The following USP34 variants were observed in gnomAD, a reference collection of about 807,000 sequenced individuals.
The protein encoded by USP34 is ubiquitin carboxyl-terminal hydrolase 34.
USP34 carries 70 observed loss-of-function variants against 460.3 expected under a neutral mutation model. The ratio of observed to expected loss-of-function variants is 0.15; its 90% confidence interval spans 0.13 to 0.19. The LOEUF (loss-of-function observed/expected upper bound fraction) is 0.19, where lower values mean the gene tolerates loss of function less well. Among genes scored for constraint, USP34 ranks in the 10% least tolerant of loss-of-function variants. USP34 has a pLI of 1.00. For missense variants in USP34, 3,985 were observed against 4,236.2 expected, an observed-to-expected ratio of 0.94 and a Z score of 1.65; for synonymous variants, 1,647 against 1,405.3, an observed-to-expected ratio of 1.17 and a Z score of -3.85.
chr2:61,348,918 T>C, intron 13 of USP34, 32 bp from the exon 14 acceptor site: 1 of 1,578,416 alleles, frequency 6.3e-7, no homozygotes, highest in South Asian at 1.2e-5. Context: ...TTTTTACTTC[T>C]AATTTATATT....
chr2:61,380,143 C>T lies in USP34; in HGVS notation c.1014+26G>A, dbSNP rs766962936. 3.1e-6 allele frequency: 5 copies of T among 1,594,946 alleles called. No homozygotes were observed. The South Asian group carries it at 4.5e-5, about 14-fold the overall frequency. On this transcript the variant is annotated intron_variant, in intron 7 of 79. Transcript: ENST00000398571. ...AGACCAGAAAACAAATAAACGATGA[C>T]CAAAAATAAAACAAATACAGCTTAC...
intron 27 of USP34, among the ~76,000 whole-genome samples, chr2:61,309,349 G>C (rs945321321): frequency 6.6e-6 from 1 of 152,122 alleles, no homozygotes; most frequent in African/African-American, 2.4e-5. Context: ...AACGAGAAAG[G>C]TATGGATCAT....
rs751240024 is a variant in USP34 at position 61,206,008 on chromosome 2, G to C, written c.9154+9C>G. 1.3e-6 allele frequency: 2 copies of C among 1,598,726 alleles called. No individual in the cohort carries two copies. The highest frequency in any genetic ancestry group is 1.1e-5 in the South Asian group (1 of 90,370). On this transcript the variant is annotated intron_variant, in intron 72 of 79. Coordinates refer to ENST00000398571, the MANE Select transcript of USP34 (RefSeq NM_014709.4). ...GTTTTTACACGGGTGAATTTTTCAA[G>C]TAACTTACCTATACAGGCATTTCTA... is the stretch of plus-strand genomic sequence containing the variant.
chr2:61,343,693 A>C, intron 16 of USP34, 122 bp downstream of exon 16: 1 of 1,016,948 alleles, frequency 9.8e-7, no homozygotes, highest in Non-Finnish European at 1.4e-6. Flanking sequence ...TACCATATGT[A>C]AGTTATTTTG....
intron 23 of USP34, among the ~76,000 whole-genome samples, chr2:61,315,623 C>T (rs982720038): frequency 1.3e-5 from 2 of 152,028 alleles, no homozygotes; most frequent in Non-Finnish European, 2.9e-5. Context: ...GATCCACCCG[C>T]CTCAGCCTCT....
At chr2:61,420,955 A>G (rs1013844050) in intron 1 of USP34, 122 bp from the exon 2 acceptor site, 6 of 631,482 alleles carry the variant, frequency 9.5e-6, no homozygotes, top group Non-Finnish European at 9.9e-6. Context: ...TTTTGCTTCC[A>G]AAGAAAATAA....
chr2:61,229,657 A>C, intron 58 of USP34, 24 bp from the exon 59 acceptor site: 1 of 1,573,396 alleles, frequency 6.4e-7, no homozygotes, highest in Non-Finnish European at 8.7e-7. Context: ...AAAAGATCAA[A>C]CAAGAGCCAA....
chr2:61,264,940 A>G (rs1216132066), intron 43 of USP34, among the ~76,000 whole-genome samples: 1 of 152,202 alleles, frequency 6.6e-6, no homozygotes, highest in Non-Finnish European at 1.5e-5. Flanking sequence ...CATGAAGCAG[A>G]GCTTACACAA....
At chr2:61,289,359 A>T (rs1238267553) in intron 33 of USP34, among the ~76,000 whole-genome samples, 3 of 152,066 alleles carry the variant, frequency 2.0e-5, no homozygotes, top group African/African-American at 7.2e-5. Context: ...TTCAACTGAA[A>T]CTCTTGCACT....
At chr2:61,194,045 G>A (rs1035516980) in intron 75 of USP34, 1 of 864,606 alleles carries the variant, frequency 1.2e-6, no homozygotes, top group Non-Finnish European at 1.4e-6. Flanking sequence ...TTAGCTAGCA[G>A]GTAGCCATGG....
chr2:61,301,823 T>G (rs1393133662), intron 27 of USP34, among the ~76,000 whole-genome samples: 1 of 152,210 alleles, frequency 6.6e-6, no homozygotes, highest in African/African-American at 2.4e-5. Flanking sequence ...TGGGAGCTTT[T>G]TCCTTACCGC....
intron 10 of USP34, 89 bp downstream of exon 10, chr2:61,370,232 A>G (rs753863594): frequency 7.3e-7 from 1 of 1,369,570 alleles, no homozygotes; most frequent in Non-Finnish European, 1.0e-6. Flanking sequence ...CCTTAGCTAT[A>G]AAACAGGATA....
intron 41 of USP34, among the ~76,000 whole-genome samples, chr2:61,274,022 T>C (rs1021222036): frequency 5.3e-5 from 8 of 151,772 alleles, no homozygotes; most frequent in African/African-American, 1.9e-4. Context: ...AGGGAGTTTT[T>C]AAAAGTATAA....
intron 5 of USP34, 41 bp from the exon 6 acceptor site, chr2:61,383,377 T>TATTTCACATATTAG: frequency 4.3e-6 from 6 of 1,411,508 alleles, no homozygotes; most frequent in Non-Finnish European, 5.9e-6. Context: ...GCCTAATATG[T>TATTTCACATATTAG]GAAATACATA....
At chr2:61,323,754 A>G (rs1691000013) in intron 21 of USP34, among the ~76,000 whole-genome samples, 1 of 152,176 alleles carries the variant, frequency 6.6e-6, no homozygotes, top group Admixed American at 6.5e-5. Flanking sequence ...TGTTCATGGT[A>G]TCTATGTTGA....
intron 2 of USP34, chr2:61,416,796 T>A: frequency 2.3e-6 from 1 of 431,692 alleles, no homozygotes; most frequent in Non-Finnish European, 4.1e-6. Flanking sequence ...ACATGTGTTA[T>A]TAACCTCCCT....
chr2:61,191,619 G>T (rs115291663), intron 76 of USP34, among the ~76,000 whole-genome samples: 536 of 152,250 alleles, frequency 3.5e-3, no homozygotes, highest in Non-Finnish European at 5.0e-3. Flanking sequence ...AGCTTTGGAG[G>T]CCTTATATGG....
chr2:61,262,088 C>CAAAAAAA (rs61651654), intron 43 of USP34, among the ~76,000 whole-genome samples: 21 of 46,816 alleles, frequency 4.5e-4, no homozygotes, highest in Non-Finnish European at 6.0e-4. Context: ...AAGACTTCGT[C>CAAAAAAA]AAAAAAAAAA....
chr2:61,288,933 A>T lies in USP34; in HGVS notation c.4549-56T>A. 5.8e-6 allele frequency: 9 copies of T among 1,553,634 alleles called. No individual in the cohort carries two copies. The South Asian group carries it at 1.0e-4, about 18-fold the overall frequency. The stretch of plus-strand genomic sequence containing the variant: ...ATTTTCATTAATTTAGAATGGCCAC[A>T]ATACAATTTTGAAATTAAAAGACCA... On this transcript the variant is annotated intron_variant, in intron 33 of 79. Coordinates refer to ENST00000398571, the MANE Select transcript of USP34 (RefSeq NM_014709.4).
Sources: allele counts gnomAD v4.1 joint callset (sites outside exome capture counted in the v4.1 genomes callset), GRCh38; gene constraint gnomAD v4.1.1; transcripts MANE v1.5; gene names NCBI Gene and HGNC (gene_info 2026-07-23, HGNC 2026-07-21).